PCSK5: variants seen among roughly 807,000 people sequenced by gnomAD.
PCSK5 encodes prohormone convertase 5.
Under a neutral mutation model 233.2 loss-of-function variants are expected in PCSK5, and 129 were observed. The ratio of observed to expected loss-of-function variants is 0.55; its 90% CI spans 0.48 to 0.64. PCSK5 has a LOEUF of 0.64. Ranked by LOEUF, PCSK5 falls within the 30% of genes least tolerant of loss-of-function variation. The pLI, the probability that PCSK5 is intolerant of heterozygous loss-of-function variation, is 0.00. For synonymous variants in PCSK5, 825 were observed against 879.2 expected (o/e 0.94, Z 1.09); for missense variants, 2,076 against 2,430.1 (o/e 0.85, Z 3.06).
At chr9:76,309,213 G>C (rs865908299) in intron 29 of PCSK5, among the ~76,000 whole-genome samples, 1 of 152,012 alleles carries the variant, frequency 6.6e-6, no homozygotes, top group Non-Finnish European at 1.5e-5. Flanking sequence ...GCAAGACCTT[G>C]TCTTAAAAAA....
intron 3 of PCSK5, among the ~76,000 whole-genome samples, chr9:76,015,974 A>T (rs1827931763): frequency 6.6e-6 from 1 of 152,212 alleles, no homozygotes; most frequent in South Asian, 2.1e-4. Context: ...CTCTATGATT[A>T]TTTGACACTT....
chr9:76,307,545 G>A (rs943373354), intron 28 of PCSK5, among the ~76,000 whole-genome samples: 1 of 152,090 alleles, frequency 6.6e-6, no homozygotes, highest in African/African-American at 2.4e-5. Flanking sequence ...GAGTTGCTGA[G>A]GTGACTTCCT....
At chr9:76,039,017 C>T (rs961524841) in intron 5 of PCSK5, among the ~76,000 whole-genome samples, 1 of 152,154 alleles carries the variant, frequency 6.6e-6, no homozygotes, top group Non-Finnish European at 1.5e-5. Context: ...TTCACTGTTA[C>T]ATTTGTAGGT....
At chr9:76,117,888 T>G (rs901368434) in intron 9 of PCSK5, among the ~76,000 whole-genome samples, 1 of 152,094 alleles carries the variant, frequency 6.6e-6, no homozygotes, top group African/African-American at 2.4e-5. Context: ...TCTCAAGGGC[T>G]CTCAGCAGAG....
chr9:76,088,760 T>A (rs535370634), intron 7 of PCSK5, among the ~76,000 whole-genome samples: 1 of 152,302 alleles, frequency 6.6e-6, no homozygotes, highest in Admixed American at 6.5e-5. Context: ...TCTCTGTGCA[T>A]CACCAAGAAT....
At chr9:76,218,498 T>C (rs1173297214) in intron 20 of PCSK5, among the ~76,000 whole-genome samples, 1 of 151,884 alleles carries the variant, frequency 6.6e-6, no homozygotes, top group Admixed American at 6.6e-5. Context: ...TTCTGGTGCT[T>C]AAATTCCTTG....
chr9:76,234,987 G>A (rs1472753982), intron 22 of PCSK5, among the ~76,000 whole-genome samples: 1 of 152,108 alleles, frequency 6.6e-6, no homozygotes, highest in African/African-American at 2.4e-5. Flanking sequence ...CTTCACATCA[G>A]CAACCTGGGA....
At chr9:76,298,721 C>A (rs1392088645) in intron 27 of PCSK5, among the ~76,000 whole-genome samples, 5 of 152,142 alleles carry the variant, frequency 3.3e-5, no homozygotes, top group Admixed American at 6.6e-5. Flanking sequence ...TTAGCCACAC[C>A]TTTCAGATGA....
chr9:76,009,658 C>G (rs1827643981), intron 3 of PCSK5, among the ~76,000 whole-genome samples: 1 of 151,438 alleles, frequency 6.6e-6, no homozygotes, highest in Non-Finnish European at 1.5e-5. Context: ...AAGAAAAATC[C>G]TATTACCTTA....
chr9:76,253,354 A>G lies in PCSK5; in HGVS notation c.3142+12670A>G, dbSNP rs567000457. On this transcript the variant is annotated intron_variant, in intron 24 of 37. Transcript: ENST00000674117. ...AAGATAAGAGAAACAAGCTCCATTA[A>G]ACAGTTCTGTCTTTAAAAAAATTAT... Among the ~76,000 whole-genome samples, 1,336 of 152,230 alleles carry G rather than the reference A, an allele frequency of 8.8e-3. 19 individuals carry two copies. Among genetic ancestry groups the G allele is most frequent in the African/African-American group, 0.031 (1,288 of 41,532 alleles).
At chr9:76,283,605 A>G (rs1167001826) in intron 24 of PCSK5, among the ~76,000 whole-genome samples, 2 of 152,238 alleles carry the variant, frequency 1.3e-5, no homozygotes, top group Non-Finnish European at 2.9e-5. Flanking sequence ...CACTTACTTC[A>G]TTGAGGTGGT....
chr9:76,316,194 T>C (rs1829025659), intron 30 of PCSK5, among the ~76,000 whole-genome samples: 1 of 152,040 alleles, frequency 6.6e-6, no homozygotes, highest in Admixed American at 6.6e-5. Flanking sequence ...AGTGGATCAT[T>C]GTGGCAAGCC....
intron 20 of PCSK5, among the ~76,000 whole-genome samples, chr9:76,216,795 G>A (rs941292395): frequency 6.6e-6 from 1 of 152,160 alleles, no homozygotes; most frequent in Non-Finnish European, 1.5e-5. Context: ...GAAGAGTTGT[G>A]GAGAAGAAAT....
At chr9:76,018,336 A>G (rs781106897) in intron 3 of PCSK5, among the ~76,000 whole-genome samples, 4 of 152,224 alleles carry the variant, frequency 2.6e-5, no homozygotes, top group Non-Finnish European at 5.9e-5. Context: ...GGGGTCCCCA[A>G]GCCCCGGGCT....
At chr9:76,038,203 T>C (rs1828943923) in intron 5 of PCSK5, among the ~76,000 whole-genome samples, 1 of 152,160 alleles carries the variant, frequency 6.6e-6, no homozygotes, top group African/African-American at 2.4e-5. Context: ...TCTCATTTTC[T>C]CTCCAACCCT....
intron 20 of PCSK5, among the ~76,000 whole-genome samples, chr9:76,192,442 C>T (rs1050595268): frequency 1.3e-5 from 2 of 152,158 alleles, no homozygotes; most frequent in African/African-American, 4.8e-5. Flanking sequence ...ATATTTTTTA[C>T]ATTTTATCAT....
chr9:76,152,157 A>ACT (rs940446983), intron 10 of PCSK5, among the ~76,000 whole-genome samples: 108 of 151,552 alleles, frequency 7.1e-4, no homozygotes, highest in African/African-American at 2.5e-3. Context: ...CTGGGAGAGT[A>ACT]CTCTCTCTCT....
intron 20 of PCSK5, among the ~76,000 whole-genome samples, chr9:76,219,023 G>A (rs559805400): frequency 3.3e-5 from 5 of 152,286 alleles, no homozygotes; most frequent in East Asian, 3.9e-4. Context: ...GCAAACCTGC[G>A]GATCTCTTAG....
chr9:76,036,367 C>A (rs1465251398), intron 5 of PCSK5, among the ~76,000 whole-genome samples: 1 of 152,122 alleles, frequency 6.6e-6, no homozygotes, highest in Admixed American at 6.6e-5. Flanking sequence ...AAAGTATGTT[C>A]TTTAGATTAC....
Sources: allele counts gnomAD v4.1 joint callset (sites outside exome capture counted in the v4.1 genomes callset), GRCh38; gene constraint gnomAD v4.1.1; transcripts MANE v1.5; gene names NCBI Gene and HGNC (gene_info 2026-07-23, HGNC 2026-07-21).